The following EPHA3 variants were observed in gnomAD, a reference collection of about 807,000 sequenced individuals.
EPHA3 encodes EPH receptor A3, also known as ephrin type-A receptor 3.
A neutral mutation model predicts 107.1 loss-of-function variants in EPHA3; 42 were observed. The observed-to-expected ratio is 0.39, with a 90% CI of 0.31 to 0.51. The LOEUF (loss-of-function observed/expected upper bound fraction) is 0.51, where lower values mean the gene tolerates loss of function less well. Ranked by LOEUF, EPHA3 falls within the 20% of genes least tolerant of loss-of-function variation. The probability of loss-of-function intolerance (pLI) is 0.78; values close to 1 mark genes in which losing one functional copy is unlikely to be tolerated. For missense variants in EPHA3, 1,183 were observed against 1,211.2 expected, an observed-to-expected ratio of 0.98 and a Z score of 0.35; for synonymous variants, 461 against 424.8, an observed-to-expected ratio of 1.09 and a Z score of -1.05.
At chr3:89,435,448 TATATATATAA>T (rs1022737731) in intron 13 of EPHA3, among the ~76,000 whole-genome samples, 2 of 145,740 alleles carry the variant, frequency 1.4e-5, no homozygotes, top group African/African-American at 5.0e-5. Flanking sequence ...AAAAAATATA[TATATATATAA>T]ATATATATTT....
At chr3:89,138,263 A>G (rs140070987) in intron 2 of EPHA3, among the ~76,000 whole-genome samples, 1 of 152,070 alleles carries the variant, frequency 6.6e-6, no homozygotes, top group African/African-American at 2.4e-5. Flanking sequence ...GAAATTTGTC[A>G]TAGGAATTTA....
chr3:89,143,431 A>G (rs541846547), intron 2 of EPHA3, among the ~76,000 whole-genome samples: 137 of 151,658 alleles, frequency 9.0e-4, no homozygotes, highest in South Asian at 1.9e-3. Flanking sequence ...AAAGAAAGCT[A>G]GAAACAAGTC....
Position 89,320,968 on chromosome 3 carries a change from A to G in EPHA3, c.815-19948A>G, listed in dbSNP as rs374597957. Among the ~76,000 whole-genome samples the G allele has an allele frequency of 3.3e-5, 5 of 152,058 alleles. No individual in the cohort carries two copies. The East Asian group carries it at 7.7e-4, about 23-fold the overall frequency. On this transcript the variant is annotated intron_variant, in intron 3 of 16. Transcript: ENST00000336596. The stretch of plus-strand genomic sequence containing the variant: ...CTGTGTGTATAGTAGGTGATAGAGG[A>G]AGAAATGATGGGCTATGTATATTTT...
intron 5 of EPHA3, among the ~76,000 whole-genome samples, chr3:89,381,507 C>T (rs1261326310): frequency 6.6e-6 from 1 of 151,556 alleles, no homozygotes; most frequent in Non-Finnish European, 1.5e-5. Flanking sequence ...CATCACTACT[C>T]AAAATACAAA....
chr3:89,284,421 A>C (rs1469548352), intron 3 of EPHA3, among the ~76,000 whole-genome samples: 2 of 148,816 alleles, frequency 1.3e-5, no homozygotes, highest in African/African-American at 4.9e-5. Flanking sequence ...CAAACAGTGA[A>C]ATTTTTATCT....
intron 1 of EPHA3, among the ~76,000 whole-genome samples, chr3:89,111,977 T>A (rs1045601539): frequency 3.3e-5 from 5 of 152,070 alleles, no homozygotes; most frequent in African/African-American, 1.2e-4. Context: ...TAATTTTATA[T>A]TTTTAAATTA....
In EPHA3 at chr3:89,233,825, G is replaced by A. The variant is rs556113180; in HGVS notation, c.814+23305G>A. On this transcript the variant is annotated intron_variant, in intron 3 of 16. Coordinates refer to ENST00000336596, the MANE Select transcript of EPHA3 (RefSeq NM_005233.6). ...TCTGTGGTATGTGATACTTTTGTAG[G>A]TCTATATAATGATGATTTGCTATTT... Among the ~76,000 whole-genome samples the A allele has an allele frequency of 7.2e-5, 11 of 152,278 alleles. No individual in the cohort carries two copies. The East Asian group carries it at 2.1e-3, about 29-fold the overall frequency.
intron 11 of EPHA3, among the ~76,000 whole-genome samples, chr3:89,419,644 T>C (rs1181572400): frequency 4.0e-5 from 6 of 151,392 alleles, no homozygotes; most frequent in Admixed American, 1.3e-4. Context: ...CATTTAAAGG[T>C]ACGCTGATTA....
At chr3:89,275,875 T>C (rs1249773324) in intron 3 of EPHA3, among the ~76,000 whole-genome samples, 1 of 152,044 alleles carries the variant, frequency 6.6e-6, no homozygotes, top group Admixed American at 6.6e-5. Flanking sequence ...ATAAAGCAAA[T>C]CTCTTCCCTC....
chr3:89,258,775 A>T (rs1216771152), intron 3 of EPHA3, among the ~76,000 whole-genome samples: 1 of 152,176 alleles, frequency 6.6e-6, no homozygotes, highest in Non-Finnish European at 1.5e-5. Context: ...GATAAAGTCA[A>T]TTCCACTAAA....
At chr3:89,156,826 T>C (rs1704817917) in intron 2 of EPHA3, among the ~76,000 whole-genome samples, 1 of 151,956 alleles carries the variant, frequency 6.6e-6, no homozygotes, top group Non-Finnish European at 1.5e-5. Context: ...TGACTTTTGG[T>C]GGCATCACTT....
intron 13 of EPHA3, among the ~76,000 whole-genome samples, chr3:89,438,707 G>A (rs1559696730): frequency 1.3e-5 from 2 of 152,064 alleles, no homozygotes; most frequent in Admixed American, 1.3e-4. Context: ...TATAGTAACA[G>A]TATTTTAAAC....
intron 2 of EPHA3, among the ~76,000 whole-genome samples, chr3:89,192,142 GTGTC>G (rs1183882275): frequency 3.9e-5 from 6 of 152,090 alleles, no homozygotes; most frequent in African/African-American, 9.7e-5. Flanking sequence ...ACTTAGAAAA[GTGTC>G]TGGCCCATGA....
At chr3:89,383,021 T>C (rs900965722) in intron 5 of EPHA3, among the ~76,000 whole-genome samples, 6 of 152,242 alleles carry the variant, frequency 3.9e-5, no homozygotes, top group African/African-American at 1.4e-4. Context: ...ATAAACCATA[T>C]GTTTTACTTC....
chr3:89,434,281 A>G (rs1467194285), intron 13 of EPHA3, among the ~76,000 whole-genome samples: 2 of 152,210 alleles, frequency 1.3e-5, no homozygotes, highest in African/African-American at 2.4e-5. Flanking sequence ...GCAGTGGCGC[A>G]GTGTCGGTTC....
chr3:89,161,243 C>T lies in EPHA3; in HGVS notation c.153+33970C>T, dbSNP rs191939938. On this transcript the variant is annotated intron_variant, in intron 2 of 16. Coordinates refer to ENST00000336596, the MANE Select transcript of EPHA3 (RefSeq NM_005233.6). The stretch of plus-strand genomic sequence containing the variant: ...AAAAGGAAAATGTTTGAATGGGTAA[C>T]ACATTCACATGGTTACAATTTCAAA... Among the ~76,000 whole-genome samples, 656 of 152,258 alleles carry T rather than the reference C, an allele frequency of 4.3e-3. 2 individuals carry two copies. The highest frequency in any genetic ancestry group is 6.9e-3 in the Non-Finnish European group (470 of 68,006).
chr3:89,338,625 T>C (rs1445437350), intron 3 of EPHA3, among the ~76,000 whole-genome samples: 1 of 152,244 alleles, frequency 6.6e-6, no homozygotes, highest in East Asian at 1.9e-4. Context: ...CTGGGCTCAC[T>C]GCAAGCTCCG....
chr3:89,127,964 G>A (rs191615856), intron 2 of EPHA3, among the ~76,000 whole-genome samples: 68 of 152,080 alleles, frequency 4.5e-4, no homozygotes, highest in African/African-American at 1.6e-3. Flanking sequence ...TGAGGGGAGT[G>A]TTATTTACAT....
At chr3:89,263,980 G>A (rs1705480120) in intron 3 of EPHA3, among the ~76,000 whole-genome samples, 1 of 152,040 alleles carries the variant, frequency 6.6e-6, no homozygotes, top group African/African-American at 2.4e-5. Context: ...ACCCAGTAGA[G>A]TCTGCCCTCT....
Sources: gnomAD v4.1 joint callset for allele counts (sites outside exome capture counted in the v4.1 genomes callset) on GRCh38, gnomAD v4.1.1 for gene constraint, MANE v1.5 for transcripts, NCBI Gene and HGNC (gene_info 2026-07-23, HGNC 2026-07-21) for gene names.